EXOC4: variants seen among roughly 807,000 people sequenced by gnomAD.
The protein encoded by EXOC4 is exocyst complex component 4, also known as SEC8-like 1.
Under a neutral mutation model 107.2 loss-of-function variants are expected in EXOC4, and 71 were observed. That is an observed-to-expected ratio of 0.66 (90% confidence interval 0.55 to 0.81). The LOEUF (loss-of-function observed/expected upper bound fraction) is 0.81, where lower values mean the gene tolerates loss of function less well. Ranked by LOEUF, EXOC4 falls within the 30% of genes least tolerant of loss-of-function variation. The pLI is 0.00. For missense variants in EXOC4, 1,108 were observed against 1,189.6 expected (o/e 0.93, Z 1.01); for synonymous variants, 456 against 441.2 (o/e 1.03, Z -0.42).
At chr7:133,770,675 C>T (rs1191670815) in intron 10 of EXOC4, among the ~76,000 whole-genome samples, 1 of 151,862 alleles carries the variant, frequency 6.6e-6, no homozygotes, top group African/African-American at 2.4e-5. Context: ...ACAAATTGTA[C>T]ATAATCCATT....
intron 13 of EXOC4, among the ~76,000 whole-genome samples, chr7:133,929,774 A>G (rs985933289): frequency 2.0e-5 from 3 of 152,050 alleles, no homozygotes; most frequent in East Asian, 1.9e-4. Flanking sequence ...CTTTGCGTCA[A>G]TGTGTATCTC....
chr7:133,511,225 G>A (rs909030727), intron 9 of EXOC4, among the ~76,000 whole-genome samples: 2 of 152,094 alleles, frequency 1.3e-5, no homozygotes, highest in South Asian at 2.1e-4. Flanking sequence ...TTTTACATGT[G>A]TGGAATCAGA....
Position 133,792,853 on chromosome 7 carries a change from C to T in EXOC4, c.1515-24472C>T, listed in dbSNP as rs571975897. ...TTTATCGTTCTTCAAGAAAAGGTACCAAATAATAGAATAGTCAATGGCAGG... is the reference window on the plus strand; with the variant it reads ...TTTATCGTTCTTCAAGAAAAGGTACTAAATAATAGAATAGTCAATGGCAGG... On this transcript the variant is annotated intron_variant, in intron 10 of 17. Transcript: ENST00000253861. 3.3e-5 allele frequency among the ~76,000 whole-genome samples: 5 copies of T among 151,940 alleles called. No individual in the cohort carries two copies. In the South Asian group the frequency reaches 1.0e-3, roughly 32 times the overall value.
intron 9 of EXOC4, among the ~76,000 whole-genome samples, chr7:133,617,206 C>A (rs1463923341): frequency 6.6e-6 from 1 of 151,878 alleles, no homozygotes; most frequent in East Asian, 1.9e-4. Context: ...ATAGTGATTG[C>A]CTTAGTTAGG....
intron 9 of EXOC4, among the ~76,000 whole-genome samples, chr7:133,537,675 A>G (rs1800299899): frequency 6.6e-6 from 1 of 152,240 alleles, no homozygotes. Context: ...GCAGAATGCC[A>G]TATTGGATTT....
At chr7:133,608,456 C>G (rs1801999713) in intron 9 of EXOC4, among the ~76,000 whole-genome samples, 1 of 150,034 alleles carries the variant, frequency 6.7e-6, no homozygotes, top group South Asian at 2.1e-4. Flanking sequence ...CTTGCTGCAA[C>G]AGTGTTTAGG....
intron 10 of EXOC4, among the ~76,000 whole-genome samples, chr7:133,775,316 A>G (rs2151166644): frequency 6.6e-6 from 1 of 152,306 alleles, no homozygotes; most frequent in East Asian, 1.9e-4. Flanking sequence ...CAGTTAGACG[A>G]GTGTACATGG....
At chr7:133,634,546 A>G (rs989487494) in intron 10 of EXOC4, among the ~76,000 whole-genome samples, 13 of 152,028 alleles carry the variant, frequency 8.6e-5, no homozygotes, top group Middle Eastern at 3.4e-3. Context: ...CTGGAGTGCA[A>G]TGGTGCAATC....
At chr7:134,032,131 T>G (rs1471465502) in intron 17 of EXOC4, among the ~76,000 whole-genome samples, 3 of 152,228 alleles carry the variant, frequency 2.0e-5, no homozygotes, top group Non-Finnish European at 2.9e-5. Context: ...GACCTTGATA[T>G]GAGAAAGAGG....
intron 9 of EXOC4, among the ~76,000 whole-genome samples, chr7:133,550,570 A>G (rs886824998): frequency 6.6e-6 from 1 of 152,186 alleles, no homozygotes; most frequent in Non-Finnish European, 1.5e-5. Context: ...GTGTTTTATT[A>G]CCACCAACAG....
chr7:133,640,871 TC>T (rs34927113), intron 10 of EXOC4, among the ~76,000 whole-genome samples: 80,776 of 149,134 alleles, frequency 0.54, 21,953 homozygotes, highest in South Asian at 0.69. Context: ...TCTCTCTCTC[TC>T]TTTTTTTTTT....
intron 9 of EXOC4, among the ~76,000 whole-genome samples, chr7:133,573,099 A>G (rs779329217): frequency 4.6e-4 from 70 of 152,256 alleles, no homozygotes; most frequent in Non-Finnish European, 8.1e-4. Flanking sequence ...GGATGTGGTC[A>G]TGTATAGCAG....
At chr7:133,257,886 A>G (rs1795054146) in intron 1 of EXOC4, among the ~76,000 whole-genome samples, 1 of 152,208 alleles carries the variant, frequency 6.6e-6, no homozygotes, top group Non-Finnish European at 1.5e-5. Flanking sequence ...ATTCAAAGTA[A>G]ACTTTGTTGA....
chr7:133,530,244 C>T (rs528662745), intron 9 of EXOC4, among the ~76,000 whole-genome samples: 1 of 152,126 alleles, frequency 6.6e-6, no homozygotes, highest in Admixed American at 6.6e-5. Flanking sequence ...GTTTTTCCAT[C>T]AACCAGGAAG....
chr7:133,936,723 G>A (rs191191948), intron 13 of EXOC4, among the ~76,000 whole-genome samples: 9 of 152,048 alleles, frequency 5.9e-5, no homozygotes, highest in East Asian at 3.9e-4. Context: ...GCAGTGGCAC[G>A]ATCTCGGCTC....
At chr7:133,677,138 G>A (rs1299137817) in intron 10 of EXOC4, among the ~76,000 whole-genome samples, 1 of 151,998 alleles carries the variant, frequency 6.6e-6, no homozygotes, top group Non-Finnish European at 1.5e-5. Context: ...AAACTTAGTG[G>A]TTTAGTAATT....
intron 14 of EXOC4, among the ~76,000 whole-genome samples, chr7:133,962,923 C>T (rs1350589191): frequency 6.6e-6 from 1 of 152,174 alleles, no homozygotes; most frequent in African/African-American, 2.4e-5. Context: ...TTAGGAAATT[C>T]GGAGTTAATG....
intron 5 of EXOC4, among the ~76,000 whole-genome samples, chr7:133,328,836 G>A (rs964770440): frequency 3.3e-5 from 5 of 152,072 alleles, no homozygotes; most frequent in East Asian, 3.9e-4. Context: ...CCTTTCTCTC[G>A]GGCTGCCCAT....
chr7:133,855,203 T>C (rs1798349397), intron 11 of EXOC4, among the ~76,000 whole-genome samples: 1 of 146,504 alleles, frequency 6.8e-6, no homozygotes, highest in Non-Finnish European at 1.5e-5. Context: ...CAGTTGTTTT[T>C]CATGTACGGC....
Sources: allele counts gnomAD v4.1 joint callset (sites outside exome capture counted in the v4.1 genomes callset), GRCh38; gene constraint gnomAD v4.1.1; transcripts MANE v1.5; gene names NCBI Gene and HGNC (gene_info 2026-07-23, HGNC 2026-07-21).